LEKR1: variants seen among roughly 807,000 people sequenced by gnomAD.
LEKR1 encodes the protein protein LEKR1.
Under a neutral mutation model 72.4 loss-of-function variants are expected in LEKR1, and 59 were observed. The observed-to-expected ratio is 0.82, with a 90% CI of 0.66 to 1.01. The LOEUF is 1.01. LEKR1 is among the 50% of genes least tolerant of loss of function. The pLI is 0.00. For missense variants in LEKR1, 728 were observed against 759.2 expected (o/e 0.96, Z 0.48); for synonymous variants, 257 against 263.2 (o/e 0.98, Z 0.23).
intron 9 of LEKR1, among the ~76,000 whole-genome samples, chr3:157,010,286 T>A (rs1329384908): frequency 6.6e-6 from 1 of 152,010 alleles, no homozygotes; most frequent in East Asian, 1.9e-4. Flanking sequence ...CAGTTTGAGG[T>A]ATCCCAAAGA....
At position 156,852,691 on chromosome 3, in the gene LEKR1, C is replaced by T. The variant is rs1278915867; in HGVS notation, c.49-77C>T. On this transcript the variant is annotated intron_variant, in intron 2 of 12. Coordinates refer to ENST00000356539, the MANE Select transcript of LEKR1 (RefSeq NM_001004316.3). ...CTATGTATTTACTTCATTCAACCAG[C>T]ATGGCTACAATATCTTCAGTTGAAC... 5 of 684,812 alleles carry T rather than the reference C, an allele frequency of 7.3e-6. No individual in the cohort carries two copies. In the East Asian group the frequency reaches 1.4e-4, roughly 19 times the overall value. 42.4% of individuals were successfully genotyped at this position (684,812 alleles called of 1,614,324 possible).
chr3:156,987,484 G>C (rs1362359315), intron 7 of LEKR1, among the ~76,000 whole-genome samples: 1 of 152,184 alleles, frequency 6.6e-6, no homozygotes, highest in East Asian at 1.9e-4. Context: ...TTGTGGTAGG[G>C]CTGCTGAATC....
At chr3:156,831,131 T>C (rs985721852) in intron 2 of LEKR1, among the ~76,000 whole-genome samples, 5 of 152,038 alleles carry the variant, frequency 3.3e-5, no homozygotes, top group African/African-American at 9.7e-5. Flanking sequence ...GTATGGGAGC[T>C]GCTGATTGAT....
chr3:156,856,427 A>G (rs1716068031), intron 3 of LEKR1, among the ~76,000 whole-genome samples: 2 of 152,148 alleles, frequency 1.3e-5, no homozygotes, highest in African/African-American at 2.4e-5. Flanking sequence ...GCTTTTTAGT[A>G]TATTTTCTTT....
intron 3 of LEKR1, among the ~76,000 whole-genome samples, chr3:156,869,271 C>T (rs989622662): frequency 1.2e-4 from 19 of 152,180 alleles, no homozygotes; most frequent in African/African-American, 4.3e-4. Flanking sequence ...TGAGAAATCT[C>T]CATACTGTTT....
intron 9 of LEKR1, among the ~76,000 whole-genome samples, chr3:157,006,046 C>T (rs983578707): frequency 6.0e-5 from 9 of 151,064 alleles, no homozygotes; most frequent in African/African-American, 1.7e-4. Flanking sequence ...TCGCCCAGGC[C>T]GGACTGCGGA....
intron 3 of LEKR1, among the ~76,000 whole-genome samples, chr3:156,866,827 C>T (rs544070770): frequency 1.3e-5 from 2 of 151,954 alleles, no homozygotes; most frequent in South Asian, 2.1e-4. Context: ...AAAGAGAGAC[C>T]GTATTTTATA....
chr3:156,917,510 T>TG (rs1013606010), intron 3 of LEKR1, among the ~76,000 whole-genome samples: 10 of 151,570 alleles, frequency 6.6e-5, no homozygotes, highest in African/African-American at 2.2e-4. Context: ...GGGGGAAGGG[T>TG]GGGGGGCCCA....
chr3:157,020,242 C>T (rs1029598658), intron 10 of LEKR1, among the ~76,000 whole-genome samples: 4 of 143,102 alleles, frequency 2.8e-5, no homozygotes, highest in Admixed American at 7.2e-5. Context: ...CAAAGGGACC[C>T]TGCTGATTTT....
At chr3:156,930,969 A>G (rs1343640205) in intron 5 of LEKR1, among the ~76,000 whole-genome samples, 1 of 152,166 alleles carries the variant, frequency 6.6e-6, no homozygotes, top group Admixed American at 6.5e-5. Context: ...TAGAAGAAAC[A>G]TAGCAAAATA....
At chr3:156,829,243 T>C in intron 1 of LEKR1, 43 bp from the exon 2 acceptor site, 1 of 740,972 alleles carries the variant, frequency 1.3e-6, no homozygotes, top group Non-Finnish European at 2.3e-6. Flanking sequence ...TTGAATGTTC[T>C]CTACATTATT....
chr3:156,957,077 C>G (rs919885697), intron 6 of LEKR1, among the ~76,000 whole-genome samples: 1 of 151,842 alleles, frequency 6.6e-6, no homozygotes, highest in Non-Finnish European at 1.5e-5. Context: ...ATAATTTATA[C>G]TTAGAAAACA....
intron 10 of LEKR1, among the ~76,000 whole-genome samples, chr3:157,015,819 C>T (rs372990500): frequency 3.3e-5 from 5 of 151,808 alleles, no homozygotes; most frequent in African/African-American, 9.7e-5. Context: ...ATTCCATATA[C>T]CCAGAAGCTA....
chr3:157,026,408 A>G (rs1168179251), intron 11 of LEKR1, among the ~76,000 whole-genome samples: 1 of 152,150 alleles, frequency 6.6e-6, no homozygotes, highest in Non-Finnish European at 1.5e-5. Flanking sequence ...AAACCTCCTG[A>G]TCTTTAAATG....
At chr3:156,860,967 A>G (rs1576681400) in intron 3 of LEKR1, among the ~76,000 whole-genome samples, 1 of 152,110 alleles carries the variant, frequency 6.6e-6, no homozygotes, top group Non-Finnish European at 1.5e-5. Context: ...CAGTCAGGGG[A>G]AATGCTTATA....
intron 10 of LEKR1, among the ~76,000 whole-genome samples, chr3:157,017,957 A>AAAAAAAAAAAG (rs1733499747): frequency 9.3e-6 from 1 of 107,660 alleles, no homozygotes; most frequent in Admixed American, 1.1e-4. Flanking sequence ...TCAAAAAAAA[A>AAAAAAAAAAAG]AAAAAAAAAA....
At chr3:156,883,217 T>TG (rs1560050354) in intron 3 of LEKR1, among the ~76,000 whole-genome samples, 1 of 43,282 alleles carries the variant, frequency 2.3e-5, no homozygotes, top group African/African-American at 1.0e-4. Flanking sequence ...CAGACTTGCA[T>TG]GGGGCCTGTA....
At chr3:157,010,664 G>A (rs1732818738) in intron 9 of LEKR1, among the ~76,000 whole-genome samples, 1 of 152,000 alleles carries the variant, frequency 6.6e-6, no homozygotes, top group Non-Finnish European at 1.5e-5. Flanking sequence ...CAAGGAGGAA[G>A]GATCCCTGAT....
intron 2 of LEKR1, among the ~76,000 whole-genome samples, chr3:156,832,986 T>G (rs1465515467): frequency 6.6e-6 from 1 of 152,192 alleles, no homozygotes; most frequent in African/African-American, 2.4e-5. Context: ...GACTCATAAT[T>G]AGTTTCAAAA....
Sources: gnomAD v4.1 joint callset for allele counts (sites outside exome capture counted in the v4.1 genomes callset) on GRCh38, gnomAD v4.1.1 for gene constraint, MANE v1.5 for transcripts, NCBI Gene and HGNC (gene_info 2026-07-23, HGNC 2026-07-21) for gene names.